The following ENTHD1 variants were observed in gnomAD, a reference collection of about 807,000 sequenced individuals.
ENTHD1 encodes ENTH domain containing 1.
A neutral mutation model predicts 39.1 loss-of-function variants in ENTHD1; 23 were observed. The ratio of observed to expected loss-of-function variants is 0.59; its 90% CI spans 0.42 to 0.83. The LOEUF (loss-of-function observed/expected upper bound fraction) is 0.83. ENTHD1 is among the 40% of genes least tolerant of loss of function. The probability of loss-of-function intolerance (pLI) is 0.00; values close to 1 mark genes in which losing one functional copy is unlikely to be tolerated. For synonymous variants in ENTHD1, 230 were observed against 258.2 expected, an observed-to-expected ratio of 0.89 and a Z score of 1.05; for missense variants, 624 against 705.4, an observed-to-expected ratio of 0.88 and a Z score of 1.31.
intron 4 of ENTHD1, among the ~76,000 whole-genome samples, chr22:39,826,505 G>T (rs1020990010): frequency 2.6e-5 from 4 of 151,880 alleles, no homozygotes; most frequent in African/African-American, 7.3e-5. Flanking sequence ...CCTGAGGAAA[G>T]AACTTAGATT....
rs555889853 is a variant in ENTHD1 at position 39,856,136 on chromosome 22, T to C, written c.592+5629A>G. ...CTAAAAATACAAAATTAGCCGGGTA[T>C]GGTGGCATGTGCCTGTAATCCCAGA... On this transcript the variant is annotated intron_variant, in intron 3 of 6. Transcript: ENST00000325157. Among the ~76,000 whole-genome samples the C allele has an allele frequency of 9.9e-5, 15 of 152,050 alleles. No individual in the cohort carries two copies. In the South Asian group the frequency reaches 3.1e-3, roughly 31 times the overall value.
In ENTHD1 at chr22:39,765,458, T is replaced by G. The variant is rs938099851; in HGVS notation, c.984A>C (p.Thr328=). The change falls in exon 6 of 7, where the codon ACA becomes ACC. Residue 328 remains threonine, a synonymous_variant. Transcript: ENST00000325157. The stretch of plus-strand genomic sequence containing the variant: ...ACCAACATGCTGGTAAAATTGTCAA[T>G]GTTTTAAGACCTTCTGCAGCTGATT... ...EKQSAAEGLK[T]LTILPACWSS... 3.7e-6 allele frequency: 6 copies of G among 1,613,818 alleles called. No homozygotes were observed. Among genetic ancestry groups the G allele is most frequent in the African/African-American group, 1.3e-5 (1 of 74,864 alleles).
At chr22:39,845,141 G>A (rs572092943) in intron 3 of ENTHD1, among the ~76,000 whole-genome samples, 38 of 151,562 alleles carry the variant, frequency 2.5e-4, no homozygotes, top group Admixed American at 2.0e-3. Context: ...AGATATGGCG[G>A]GAAGAGTCAA....
chr22:39,808,092 T>C (rs766200847), intron 5 of ENTHD1, among the ~76,000 whole-genome samples: 1 of 152,294 alleles, frequency 6.6e-6, no homozygotes, highest in East Asian at 1.9e-4. Context: ...TTGTGGACTT[T>C]CTTCATCTGT....
At chr22:39,783,874 G>A (rs2065432841) in intron 5 of ENTHD1, among the ~76,000 whole-genome samples, 1 of 152,074 alleles carries the variant, frequency 6.6e-6, no homozygotes, top group Non-Finnish European at 1.5e-5. Flanking sequence ...AAAATCTCAG[G>A]CAACCAAAGC....
At chr22:39,749,294 A>T (rs909190059) in intron 6 of ENTHD1, among the ~76,000 whole-genome samples, 1 of 152,230 alleles carries the variant, frequency 6.6e-6, no homozygotes, top group Non-Finnish European at 1.5e-5. Flanking sequence ...GAACCGAAAT[A>T]AGCTACAATA....
At chr22:39,856,827 G>A (rs1160591273) in intron 3 of ENTHD1, among the ~76,000 whole-genome samples, 12 of 148,970 alleles carry the variant, frequency 8.1e-5, no homozygotes, top group Non-Finnish European at 1.2e-4. Flanking sequence ...CGCTCCTGCC[G>A]GGGTGACAGA....
chr22:39,846,155 T>C (rs565726531), intron 3 of ENTHD1, among the ~76,000 whole-genome samples: 19 of 152,140 alleles, frequency 1.2e-4, no homozygotes, highest in Admixed American at 2.0e-4. Context: ...GGATAAAAGA[T>C]TTAAAATGCC....
At position 39,868,389 on chromosome 22, in the gene ENTHD1, G is replaced by A. The variant is rs541829508; in HGVS notation, c.350-6382C>T. On this transcript the variant is annotated intron_variant, in intron 2 of 6. Coordinates refer to ENST00000325157, the MANE Select transcript of ENTHD1 (RefSeq NM_152512.4). ...AAAAGGAAGGAAATGAACATGAGTG[G>A]TTGTGGGAAAAAATCTCCCACTCAA... Among the ~76,000 whole-genome samples, 4 of 150,436 alleles carry A rather than the reference G, an allele frequency of 2.7e-5. No individual in the cohort carries two copies. The East Asian group carries it at 7.8e-4, about 29-fold the overall frequency.
intron 6 of ENTHD1, among the ~76,000 whole-genome samples, chr22:39,749,207 C>T (rs1208802603): frequency 6.6e-6 from 1 of 152,182 alleles, no homozygotes; most frequent in Admixed American, 6.5e-5. Context: ...TCCTCACTGC[C>T]CATTTAGTTC....
chr22:39,789,169 A>G (rs1284035744), intron 5 of ENTHD1, among the ~76,000 whole-genome samples: 1 of 152,194 alleles, frequency 6.6e-6, no homozygotes, highest in Non-Finnish European at 1.5e-5. Context: ...ACTGTGAATA[A>G]TGTTGCAATG....
intron 2 of ENTHD1, among the ~76,000 whole-genome samples, chr22:39,885,671 T>C (rs3021225): frequency 0.11 from 16,976 of 152,262 alleles, 1,101 homozygotes; most frequent in African/African-American, 0.14. Flanking sequence ...AAAGTTCTGA[T>C]ACATCCTACA....
At chr22:39,815,444 A>C (rs2065726000) in intron 5 of ENTHD1, among the ~76,000 whole-genome samples, 1 of 142,626 alleles carries the variant, frequency 7.0e-6, no homozygotes, top group South Asian at 2.2e-4. Context: ...ACTCCGTCTC[A>C]AAAAAAAAAA....
intron 2 of ENTHD1, among the ~76,000 whole-genome samples, chr22:39,865,293 G>C (rs1426754103): frequency 6.6e-6 from 1 of 152,044 alleles, no homozygotes; most frequent in Non-Finnish European, 1.5e-5. Flanking sequence ...GGCCACAGCA[G>C]TTCACCAAAC....
chr22:39,779,266 A>G (rs1308218012), intron 5 of ENTHD1, among the ~76,000 whole-genome samples: 1 of 152,062 alleles, frequency 6.6e-6, no homozygotes, highest in East Asian at 1.9e-4. Context: ...GCAGTGAACC[A>G]GGAGGCGGAG....
At chr22:39,797,979 A>C (rs1298570440) in intron 5 of ENTHD1, among the ~76,000 whole-genome samples, 1 of 152,132 alleles carries the variant, frequency 6.6e-6, no homozygotes, top group African/African-American at 2.4e-5. Flanking sequence ...TAAATCTCTT[A>C]ATAGACTTAG....
intron 3 of ENTHD1, among the ~76,000 whole-genome samples, chr22:39,854,131 T>C (rs937533039): frequency 2.0e-5 from 3 of 152,060 alleles, no homozygotes; most frequent in African/African-American, 7.2e-5. Flanking sequence ...GTGCACATCC[T>C]TGGGAAGTGG....
rs111358821 is a variant in ENTHD1 at position 39,754,066 on chromosome 22, G to A, written c.1220-9783C>T. On this transcript the variant is annotated intron_variant, in intron 6 of 6. Transcript: ENST00000325157. Reference sequence around the variant, plus strand: ...TGCCTTACCTGCTAACTTGTAATCCGGGGGTCAGCAAACCATTTTTGTAAA... The same window carrying A: ...TGCCTTACCTGCTAACTTGTAATCCAGGGGTCAGCAAACCATTTTTGTAAA... Among the ~76,000 whole-genome samples, 578 of 152,124 alleles carry A rather than the reference G, an allele frequency of 3.8e-3. 7 individuals carry two copies. The highest frequency in any genetic ancestry group is 0.012 in the African/African-American group (509 of 41,492).
chr22:39,832,215 G>A (rs1377182657), intron 4 of ENTHD1, among the ~76,000 whole-genome samples: 1 of 152,154 alleles, frequency 6.6e-6, no homozygotes, highest in African/African-American at 2.4e-5. Context: ...GGAGGCTGAG[G>A]TGGGAAGATC....
Sources: allele counts gnomAD v4.1 joint callset (sites outside exome capture counted in the v4.1 genomes callset), GRCh38; gene constraint gnomAD v4.1.1; transcripts MANE v1.5; gene names NCBI Gene and HGNC (gene_info 2026-07-23, HGNC 2026-07-21).